The following ZNF254 variants were observed in gnomAD, a reference collection of about 807,000 sequenced individuals.
The protein encoded by ZNF254 is zinc finger protein 254.
A neutral mutation model predicts 12.4 loss-of-function variants in ZNF254; 10 were observed. That is an observed-to-expected ratio of 0.80 (90% CI 0.50 to 1.36). The LOEUF (loss-of-function observed/expected upper bound fraction) is 1.36. ZNF254 is among the 40% of genes most tolerant of loss of function. ZNF254 has a pLI of 0.00. For synonymous variants in ZNF254, 305 were observed against 253.4 expected, an observed-to-expected ratio of 1.20 and a Z score of -1.93; for missense variants, 996 against 763.9, an observed-to-expected ratio of 1.30 and a Z score of -3.58.
At chr19:24,058,391 CTTTTTCTTTCTTTCTTTCTTTCTT>C (rs1970941746) in intron 2 of ZNF254, among the ~76,000 whole-genome samples, 2 of 110,922 alleles carry the variant, frequency 1.8e-5, no homozygotes, top group Non-Finnish European at 2.2e-5. Context: ...TGGGAGTTTT[CTTTTTCTTTCTTTCTTTCTTTCTT>C]TTTTTTTTTT....
At chr19:24,095,590 C>T (rs932626681) in intron 1 of ZNF254, among the ~76,000 whole-genome samples, 1 of 151,952 alleles carries the variant, frequency 6.6e-6, no homozygotes, top group African/African-American at 2.4e-5. Flanking sequence ...TTAGGGGTTT[C>T]ATTTCTTTTT....
At position 24,055,232 on chromosome 19, in the gene ZNF254, A is replaced by AAAAAAAAAAAAAAAAAAAAG. The variant is rs1555753129; in HGVS notation, c.-94+8953_-94+8954insAAAAAAAAAAAAAAAAAAAG. Among the ~76,000 whole-genome samples, 109 of 122,628 alleles carry AAAAAAAAAAAAAAAAAAAAG rather than the reference A, an allele frequency of 8.9e-4. 8 individuals are homozygous for AAAAAAAAAAAAAAAAAAAAG. The highest frequency in any genetic ancestry group is 1.4e-3 in the Non-Finnish European group (80 of 55,426). The allele number at this position is 122,628 out of a possible 152,430, so 80.4% of individuals were successfully genotyped here. On this transcript the variant is annotated intron_variant, in intron 2 of 4. Transcript: ENST00000613065. Reference sequence around the variant, plus strand: ...AAAAAAAAAAAAAAAAAAAAAAAAAAGAGTGTACTAACAAGACCCAGCACA... The same window carrying AAAAAAAAAAAAAAAAAAAAG: ...AAAAAAAAAAAAAAAAAAAAAAAAAAAAAAAAAAAAAAAAAAAAAGGAGTGTACTAACAAGACCCAGCACA...
chr19:24,089,438 T>C (rs189811342), intron 1 of ZNF254, among the ~76,000 whole-genome samples: 63 of 152,290 alleles, frequency 4.1e-4, no homozygotes, highest in African/African-American at 1.3e-3. Flanking sequence ...GTCACAGATA[T>C]CTTATCAGAA....
At chr19:24,103,376 A>G (rs1973145099) in intron 1 of ZNF254, among the ~76,000 whole-genome samples, 1 of 152,204 alleles carries the variant, frequency 6.6e-6, no homozygotes, top group African/African-American at 2.4e-5. Context: ...GAATCGCATT[A>G]CATAGAGTGG....
chr19:24,038,760 C>T (rs1970054465), intron 1 of ZNF254, among the ~76,000 whole-genome samples: 2 of 152,190 alleles, frequency 1.3e-5, no homozygotes, highest in African/African-American at 4.8e-5. Flanking sequence ...TATTTGGGAT[C>T]TGCAATCATT....
rs777892509 is a variant in ZNF254, at chr19:24,127,921, C to T, written c.1921C>T (p.Arg641Trp). 3.8e-5 allele frequency: 61 copies of T among 1,608,500 alleles called. No individual in the cohort carries two copies. In the Middle Eastern group the frequency reaches 8.3e-4, roughly 22 times the overall value. The change falls in exon 4 of 4, where the codon CGG (arginine) becomes TGG (tryptophan). Residue 641 changes from arginine (R) to tryptophan (W), a missense_variant. Transcript: ENST00000357002. ...GGAAAAATTTGGCAAAGCCTTTAAT[C>T]GGTCCTCGCACCTCACCACAGATAA... is the stretch of plus-strand genomic sequence containing the variant. ...KWEKFGKAFNRSSHLTTDKIT... is the reference protein window; with the variant it reads ...KWEKFGKAFNWSSHLTTDKIT...
chr19:24,038,258 A>G (rs533545409), intron 1 of ZNF254, among the ~76,000 whole-genome samples: 2 of 152,290 alleles, frequency 1.3e-5, no homozygotes, highest in South Asian at 2.1e-4. Context: ...CCTGGTTCCA[A>G]GTTTCAAAAC....
intron 3 of ZNF254, among the ~76,000 whole-genome samples, chr19:24,116,809 C>A (rs551023561): frequency 6.6e-6 from 1 of 152,164 alleles, no homozygotes; most frequent in East Asian, 1.9e-4. Context: ...GCTGTTTTTT[C>A]CCCATCTTTG....
At chr19:24,061,624 T>C (rs766769776) in intron 2 of ZNF254, among the ~76,000 whole-genome samples, 1 of 152,140 alleles carries the variant, frequency 6.6e-6, no homozygotes, top group Non-Finnish European at 1.5e-5. Flanking sequence ...AAATTACATA[T>C]CATTTGCCCA....
At chr19:24,063,321 G>T (rs1971145770) in intron 2 of ZNF254, among the ~76,000 whole-genome samples, 5 of 152,090 alleles carry the variant, frequency 3.3e-5, no homozygotes, top group Admixed American at 3.3e-4. Context: ...CTTTTCCTGG[G>T]ACCAGTCCAC....
intron 3 of ZNF254, among the ~76,000 whole-genome samples, chr19:24,122,844 C>A (rs1381342295): frequency 6.9e-6 from 1 of 144,520 alleles, no homozygotes; most frequent in African/African-American, 2.6e-5. Context: ...CTTATATGAC[C>A]ATGTATGTGA....
At chr19:24,088,746 T>G (rs1466608801) in intron 1 of ZNF254, among the ~76,000 whole-genome samples, 5 of 152,140 alleles carry the variant, frequency 3.3e-5, no homozygotes, top group African/African-American at 1.2e-4. Context: ...AACCTCTGCC[T>G]TATGGGATCA....
chr19:24,074,433 T>G (rs1971588746), intron 2 of ZNF254, among the ~76,000 whole-genome samples: 1 of 152,222 alleles, frequency 6.6e-6, no homozygotes, highest in Non-Finnish European at 1.5e-5. Context: ...CCATCATCTT[T>G]GTGCTGTGAC....
At chr19:24,077,935 TAAA>T (rs910063978) in intron 2 of ZNF254, among the ~76,000 whole-genome samples, 1 of 151,152 alleles carries the variant, frequency 6.6e-6, no homozygotes, top group East Asian at 1.9e-4. Context: ...GAGGTGAAAA[TAAA>T]AAAAAAGAGC....
At chr19:24,112,763 CAA>C (rs1395725369) in intron 3 of ZNF254, among the ~76,000 whole-genome samples, 1 of 151,316 alleles carries the variant, frequency 6.6e-6, no homozygotes. Context: ...AAAGGATCAA[CAA>C]AATTGATAGA....
At chr19:24,041,088 C>T (rs1599568485) in intron 1 of ZNF254, among the ~76,000 whole-genome samples, 1 of 152,208 alleles carries the variant, frequency 6.6e-6, no homozygotes, top group Admixed American at 6.5e-5. Context: ...GGTTCTTAGC[C>T]CAGGCTTCCA....
intron 2 of ZNF254, among the ~76,000 whole-genome samples, chr19:24,051,461 A>G (rs921558833): frequency 2.0e-5 from 3 of 152,190 alleles, no homozygotes; most frequent in Admixed American, 6.5e-5. Flanking sequence ...CACCTGGCCA[A>G]TGTAACTCTT....
At chr19:24,039,462 G>T (rs1236836901) in intron 1 of ZNF254, among the ~76,000 whole-genome samples, 3 of 152,110 alleles carry the variant, frequency 2.0e-5, no homozygotes, top group Non-Finnish European at 4.4e-5. Context: ...GTCTCTGTCT[G>T]TTGCCAGGCT....
At chr19:24,107,043 A>G (rs1973388362) in intron 3 of ZNF254, 4 of 447,048 alleles carry the variant, frequency 8.9e-6, no homozygotes, top group East Asian at 3.5e-5. Context: ...AGTTTCTGTT[A>G]TATTGGGTTT....
Sources: allele counts gnomAD v4.1 joint callset (sites outside exome capture counted in the v4.1 genomes callset), GRCh38; gene constraint gnomAD v4.1.1; transcripts MANE v1.5; gene names NCBI Gene and HGNC (gene_info 2026-07-23, HGNC 2026-07-21).